BUD23: variants seen among roughly 807,000 people sequenced by gnomAD.
BUD23 encodes 18S rRNA (guanine-N(7))-methyltransferase.
Under a neutral mutation model 47.0 loss-of-function variants are expected in BUD23, and 34 were observed. That is an observed-to-expected ratio of 0.72 (90% CI 0.55 to 0.96). The LOEUF is 0.96. BUD23 is among the 40% of genes least tolerant of loss of function. The probability of loss-of-function intolerance (pLI) is 0.00; values close to 1 mark genes in which losing one functional copy is unlikely to be tolerated. For synonymous variants in BUD23, 124 were observed against 132.0 expected (o/e 0.94, Z 0.41); for missense variants, 343 against 361.2 (o/e 0.95, Z 0.41).
chr7:73,685,082 G>A lies in BUD23; in HGVS notation c.86+1278G>A, dbSNP rs532673299. 1.1e-4 allele frequency among the ~76,000 whole-genome samples: 16 copies of A among 152,174 alleles called. No homozygotes were observed. In the East Asian group the frequency reaches 2.9e-3, roughly 28 times the overall value. On this transcript the variant is annotated intron_variant, in intron 2 of 11. Transcript: ENST00000265758. Reference sequence around the variant, plus strand: ...AGCCCTGTGGGAGGCGGAGGTGGACGGATCACCTGAGGTCAGGAATTCCGA... The same window carrying A: ...AGCCCTGTGGGAGGCGGAGGTGGACAGATCACCTGAGGTCAGGAATTCCGA...
Position 73,697,930 on chromosome 7 carries a change from T to G in BUD23, c.*44T>G. On this transcript the variant is annotated 3_prime_UTR_variant, in exon 12 of 12. Transcript: ENST00000265758. ...AAAGGCACTTGCCTCTGCACTTTTC[T>G]ATATTGTTCAGCTGACAAAGTAGTA... 1 of 1,572,156 alleles carries G rather than the reference T, an allele frequency of 6.4e-7. No individual in the cohort carries two copies.
chr7:73,688,309 G>A (rs1318475483), intron 5 of BUD23, among the ~76,000 whole-genome samples: 1 of 152,084 alleles, frequency 6.6e-6, no homozygotes, highest in Admixed American at 6.5e-5. Context: ...CCGAGTCCAC[G>A]CCATTGCACT....
At chr7:73,693,020 CCTGA>C (rs1798252808) in intron 7 of BUD23, 1 of 549,128 alleles carries the variant, frequency 1.8e-6, no homozygotes, top group African/African-American at 1.9e-5. Context: ...AAGAGCTGTT[CCTGA>C]CTAATAACAT....
At chr7:73,689,736 G>A (rs1248207839) in intron 5 of BUD23, among the ~76,000 whole-genome samples, 1 of 152,212 alleles carries the variant, frequency 6.6e-6, no homozygotes, top group Non-Finnish European at 1.5e-5. Context: ...AGGCACTTAA[G>A]TGTGTCCTAA....
intron 9 of BUD23, 102 bp downstream of exon 9, chr7:73,693,771 G>A: frequency 6.6e-7 from 1 of 1,517,652 alleles, no homozygotes; most frequent in Non-Finnish European, 9.1e-7. Context: ...GGGGAAGCAG[G>A]GCCCAGCCCC....
intron 7 of BUD23, 166 bp downstream of exon 7, chr7:73,692,812 G>GT: frequency 1.6e-6 from 1 of 642,746 alleles, no homozygotes; most frequent in Non-Finnish European, 2.6e-6. Flanking sequence ...TCCTAAGGGG[G>GT]TGGCATCTGC....
intron 2 of BUD23, among the ~76,000 whole-genome samples, chr7:73,684,735 C>G (rs1213156954): frequency 6.6e-6 from 1 of 151,200 alleles, no homozygotes. Context: ...CCAGCCTGGC[C>G]AACATGGCGA....
intron 2 of BUD23, among the ~76,000 whole-genome samples, chr7:73,685,010 C>A (rs1554612678): frequency 7.2e-6 from 1 of 139,140 alleles, no homozygotes; most frequent in Non-Finnish European, 1.5e-5. Flanking sequence ...AGCCCTATTT[C>A]AGTAAATGGT....
At chr7:73,696,560 C>T (rs1798408667) in intron 10 of BUD23, 3 of 152,252 alleles carry the variant, frequency 2.0e-5, no homozygotes, top group Admixed American at 2.0e-4. Context: ...CCAGCACGTA[C>T]CTTGCCATCC....
intron 2 of BUD23, 120 bp downstream of exon 2, chr7:73,683,924 G>A: frequency 6.3e-7 from 1 of 1,591,570 alleles, no homozygotes; most frequent in South Asian, 1.1e-5. Flanking sequence ...AAGGACCCGG[G>A]TGGGTGCCGA....
At chr7:73,691,611 G>GT (rs1401646810) in intron 6 of BUD23, among the ~76,000 whole-genome samples, 1 of 152,044 alleles carries the variant, frequency 6.6e-6, no homozygotes, top group African/African-American at 2.4e-5. Context: ...TTTAAATTTT[G>GT]TTTTTTGAGA....
At chr7:73,697,416 A>G (rs1798450084) in intron 10 of BUD23, 189 bp from the exon 11 acceptor site, 1 of 1,535,624 alleles carries the variant, frequency 6.5e-7, no homozygotes, top group Admixed American at 2.0e-5. Flanking sequence ...TGTGGCCCGG[A>G]TGGATGTTAT....
In BUD23 at chr7:73,696,949, G is replaced by A. The variant is rs3793244; in HGVS notation, c.702-656G>A. ...CTCTTGCCCCCTGGTTCGCCACTCT[G>A]CCCTCACTTTGTACTCTTTGTAGAA... On this transcript the variant is annotated intron_variant, in intron 10 of 11. Transcript: ENST00000265758. The A allele has an allele frequency of 8.5e-5, 14 of 165,554 alleles. No individual in the cohort carries two copies. The East Asian group carries it at 2.5e-3, about 29-fold the overall frequency. The allele number at this position is 165,554 out of a possible 1,614,324, so 10.3% of individuals were successfully genotyped here.
intron 5 of BUD23, among the ~76,000 whole-genome samples, chr7:73,687,565 G>A (rs1185762195): frequency 1.3e-5 from 2 of 151,916 alleles, no homozygotes; most frequent in Non-Finnish European, 2.9e-5. Flanking sequence ...GTGAGCCACC[G>A]TGCACAGCCT....
At chr7:73,683,989 C>G (rs969707157) in intron 2 of BUD23, 185 bp downstream of exon 2, 9 of 1,474,298 alleles carry the variant, frequency 6.1e-6, no homozygotes, top group African/African-American at 5.7e-5. Context: ...GCCTCGGTAC[C>G]TCAGCGTTGA....
rs76309588 is a variant in BUD23 at position 73,684,805 on chromosome 7, C to T, written c.86+1001C>T. ...CGGGCGCGATGGCGGGTTTCTGTAA[C>T]CCCAGCTACTCGGGAGGCTGAGGCA... On this transcript the variant is annotated intron_variant, in intron 2 of 11. Transcript: ENST00000265758. Among the ~76,000 whole-genome samples the T allele has an allele frequency of 0.037, 5,493 of 149,734 alleles. 657 individuals carry two copies. The East Asian group carries it at 0.43, about 12-fold the overall frequency.
intron 2 of BUD23, among the ~76,000 whole-genome samples, chr7:73,685,033 G>T (rs782120184): frequency 6.7e-6 from 1 of 150,152 alleles, no homozygotes; most frequent in Non-Finnish European, 1.5e-5. Flanking sequence ...CTGGCCGGGC[G>T]CTATGGCTCA....
In BUD23 at chr7:73,683,605, G is replaced by A; in HGVS notation, c.-21G>A. 3 of 1,600,224 alleles carry A rather than the reference G, an allele frequency of 1.9e-6. No individual in the cohort carries two copies. Among genetic ancestry groups the A allele is most frequent in the Admixed American group, 1.7e-5 (1 of 57,522 alleles). ...GGGTGCCGGCAGGCGCCAGTCGCAG[G>A]TGTGCTGCTGAGGCGTGAGAATGGC... On this transcript the variant is annotated 5_prime_UTR_variant, in exon 1 of 12. In the 5' UTR this introduces an upstream ATG that the reference lacks. Coordinates refer to ENST00000265758, the MANE Select transcript of BUD23 (RefSeq NM_017528.5).
At chr7:73,687,189 A>G in intron 5 of BUD23, 94 bp downstream of exon 5, 2 of 1,317,906 alleles carry the variant, frequency 1.5e-6, no homozygotes, top group South Asian at 1.3e-5. Context: ...TATGGCTCAC[A>G]CTGCAGCCTC....
Sources: gnomAD v4.1 joint callset for allele counts (sites outside exome capture counted in the v4.1 genomes callset) on GRCh38, gnomAD v4.1.1 for gene constraint, MANE v1.5 for transcripts, NCBI Gene and HGNC (gene_info 2026-07-23, HGNC 2026-07-21) for gene names.